RTN4RL1: variants seen among roughly 807,000 people sequenced by gnomAD.
The protein encoded by RTN4RL1 is reticulon 4 receptor like 1.
RTN4RL1 carries 7 observed loss-of-function variants against 25.6 expected under a neutral mutation model. That is an observed-to-expected ratio of 0.27 (90% CI 0.16 to 0.51). The LOEUF is 0.51. Ranked by LOEUF, RTN4RL1 falls within the 20% of genes least tolerant of loss-of-function variation. The probability of loss-of-function intolerance (pLI) is 0.97; values close to 1 mark genes in which losing one functional copy is unlikely to be tolerated. For synonymous variants in RTN4RL1, 297 were observed against 288.2 expected (o/e 1.03, Z -0.31); for missense variants, 500 against 615.6 (o/e 0.81, Z 1.99).
chr17:1,995,324 G>C (rs1157736091), intron 1 of RTN4RL1, among the ~76,000 whole-genome samples: 1 of 151,992 alleles, frequency 6.6e-6, no homozygotes, highest in East Asian at 1.9e-4. Flanking sequence ...TACTCGGGAA[G>C]CTGAGGCAGG....
chr17:1,979,333 C>A (rs2066856988), intron 1 of RTN4RL1, among the ~76,000 whole-genome samples: 3 of 151,362 alleles, frequency 2.0e-5, no homozygotes, highest in African/African-American at 7.3e-5. Context: ...AAAAATTACC[C>A]AGGCATGGTG....
intron 1 of RTN4RL1, among the ~76,000 whole-genome samples, chr17:1,946,010 G>A (rs1445086596): frequency 6.6e-6 from 1 of 152,174 alleles, no homozygotes; most frequent in Non-Finnish European, 1.5e-5. Flanking sequence ...GCAGAGACTA[G>A]GCCCTGGCTC....
In RTN4RL1 at chr17:1,968,457, C is replaced by T. The variant is rs1015557719; in HGVS notation, c.14-30649G>A. On this transcript the variant is annotated intron_variant, in intron 1 of 1. Coordinates refer to ENST00000331238, the MANE Select transcript of RTN4RL1 (RefSeq NM_178568.4). ...CTGCCTTTGCCTGGCCCCACTCCCC[C>T]TTCTCTATCGGAGTTTTTCTAAAAC... Among the ~76,000 whole-genome samples the T allele has an allele frequency of 2.6e-5, 4 of 152,236 alleles. No individual in the cohort carries two copies. In the South Asian group the frequency reaches 6.2e-4, roughly 24 times the overall value.
At chr17:1,967,143 C>G (rs559474164) in intron 1 of RTN4RL1, among the ~76,000 whole-genome samples, 1 of 149,132 alleles carries the variant, frequency 6.7e-6, no homozygotes, top group African/African-American at 2.6e-5. Flanking sequence ...AGGCTCCCGC[C>G]GCTCCTCCCC....
At chr17:1,977,928 G>A (rs1349969598) in intron 1 of RTN4RL1, among the ~76,000 whole-genome samples, 1 of 147,150 alleles carries the variant, frequency 6.8e-6, no homozygotes, top group African/African-American at 2.5e-5. Context: ...CCCGCGTCCC[G>A]CACCCCGCAC....
chr17:1,985,766 C>G (rs2066884903), intron 1 of RTN4RL1, among the ~76,000 whole-genome samples: 1 of 152,074 alleles, frequency 6.6e-6, no homozygotes, highest in Non-Finnish European at 1.5e-5. Context: ...CAAATGAGCC[C>G]TGGAGGAGCC....
In RTN4RL1 at chr17:1,936,654, A is replaced by T. The variant is rs981499143; in HGVS notation, c.1168T>A (p.Phe390Ile). 6.3e-7 allele frequency: 1 copy of T among 1,591,238 alleles called. No individual in the cohort carries two copies. Among genetic ancestry groups the T allele is most frequent in the Non-Finnish European group, 8.5e-7 (1 of 1,169,766 alleles). The change falls in exon 2 of 2, where the codon TTT becomes ATT. Residue 390 changes from phenylalanine (F) to isoleucine (I), a missense_variant. Physicochemically the swap from Phe to Ile is conservative, Grantham distance 21 (BLOSUM62 0). Around this residue, in one of 2 missense-constraint regions of RTN4RL1, gnomAD observed 268 missense variants for 274.5 expected, o/e 0.98. Transcript: ENST00000331238. ...YAPDYQHKFS[F>I]DIMPTARPKR... ...GGCCGGGCCGTAGGCATGATGTCAA[A>T]ACTGAACTTGTGCTGGTAGTCTGGG...
Position 1,936,949 on chromosome 17 carries a change from C to T in RTN4RL1, c.873G>A (p.Gln291=), listed in dbSNP as rs1352288674. 7 of 1,608,970 alleles carry T rather than the reference C, an allele frequency of 4.4e-6. No homozygotes were observed. The highest frequency in any genetic ancestry group is 5.9e-6 in the Non-Finnish European group (7 of 1,178,932). ...CCTCGGCCCTCAGCAGCTTCAGGTC[C>T]TGGCCGTGCCGCAGCCCAGGGGACA... ...PCVSPGLRHG[Q]DLKLLRAEDF... Residue 291 remains glutamine, a synonymous_variant, in exon 2 of 2, where the codon CAG becomes CAA. Transcript: ENST00000331238.
At chr17:1,960,057 G>A (rs1915864962) in intron 1 of RTN4RL1, among the ~76,000 whole-genome samples, 2 of 152,104 alleles carry the variant, frequency 1.3e-5, no homozygotes, top group Non-Finnish European at 2.9e-5. Flanking sequence ...GTAGCATTTC[G>A]GCTGCTCAAG....
intron 1 of RTN4RL1, among the ~76,000 whole-genome samples, chr17:2,009,309 C>T (rs1457146441): frequency 1.3e-5 from 2 of 151,998 alleles, no homozygotes; most frequent in Non-Finnish European, 1.5e-5. Context: ...AAAGTACAAA[C>T]ATTGGCCAAG....
chr17:2,016,903 G>GAATAGAACATTAAAGGCAA (rs2067131728), intron 1 of RTN4RL1, among the ~76,000 whole-genome samples: 1 of 152,206 alleles, frequency 6.6e-6, no homozygotes, highest in Non-Finnish European at 1.5e-5. Context: ...ACAAGCCCAT[G>GAATAGAACATTAAAGGCAA]AATAGAACAT....
chr17:1,937,815 G>A lies in RTN4RL1; in HGVS notation c.14-7C>T, dbSNP rs1327513990. 1.9e-6 allele frequency: 3 copies of A among 1,573,320 alleles called. No homozygotes were observed. The South Asian group carries it at 3.4e-5, about 18-fold the overall frequency. ...AGCAACTCCACACAGCACCCTGGCA[G>A]GGAGAGAGAGCACAGCCAGGTCAGG... On this transcript the variant is annotated splice_polypyrimidine_tract_variant and splice_region_variant and intron_variant, in intron 1 of 1. Coordinates refer to ENST00000331238, the MANE Select transcript of RTN4RL1 (RefSeq NM_178568.4).
intron 1 of RTN4RL1, among the ~76,000 whole-genome samples, 153 bp downstream of exon 1, chr17:2,024,700 G>C (rs1369607012): frequency 6.6e-6 from 1 of 151,970 alleles, no homozygotes; most frequent in Non-Finnish European, 1.5e-5. Context: ...CTGAGCCCCA[G>C]CAGCAGCCCC....
At chr17:2,002,711 T>TCA (rs2066967937) in intron 1 of RTN4RL1, among the ~76,000 whole-genome samples, 1 of 151,996 alleles carries the variant, frequency 6.6e-6, no homozygotes, top group South Asian at 2.1e-4. Flanking sequence ...CTCTCTCTGT[T>TCA]GAGATTGTGA....
At chr17:1,976,732 C>T (rs1034064605) in intron 1 of RTN4RL1, among the ~76,000 whole-genome samples, 10 of 152,088 alleles carry the variant, frequency 6.6e-5, no homozygotes, top group South Asian at 2.1e-4. Context: ...ACCCAGCTCA[C>T]GGGGCAGGGA....
chr17:2,009,030 C>T (rs1323279601), intron 1 of RTN4RL1, among the ~76,000 whole-genome samples: 1 of 152,150 alleles, frequency 6.6e-6, no homozygotes, highest in Admixed American at 6.6e-5. Flanking sequence ...GAAATGACTA[C>T]AAGGCACAGG....
At chr17:1,939,674 C>T (rs1410928154) in intron 1 of RTN4RL1, among the ~76,000 whole-genome samples, 4 of 152,196 alleles carry the variant, frequency 2.6e-5, no homozygotes, top group Non-Finnish European at 5.9e-5. Context: ...ATTTATTTTC[C>T]GATGTGTCCA....
chr17:1,976,026 C>T (rs1219053045), intron 1 of RTN4RL1, among the ~76,000 whole-genome samples: 1 of 152,202 alleles, frequency 6.6e-6, no homozygotes, highest in East Asian at 1.9e-4. Context: ...AGCACTCACT[C>T]AAAATGCCTT....
chr17:1,961,068 G>A (rs1036572559), intron 1 of RTN4RL1, among the ~76,000 whole-genome samples: 2 of 152,098 alleles, frequency 1.3e-5, no homozygotes, highest in Admixed American at 1.3e-4. Flanking sequence ...TCCCCTTGTC[G>A]CTCCCTGTGA....
Sources: gnomAD v4.1 joint callset for allele counts (sites outside exome capture counted in the v4.1 genomes callset) on GRCh38, gnomAD v4.1.1 for gene constraint, gnomAD v4.1.1 regional missense constraint, MANE v1.5 for transcripts, NCBI Gene and HGNC (gene_info 2026-07-23, HGNC 2026-07-21) for gene names.